Variants in CCDC7 observed in about 807,000 individuals in gnomAD.
The protein encoded by CCDC7 is coiled-coil domain containing 7.
Under a neutral mutation model 196.9 loss-of-function variants are expected in CCDC7, and 183 were observed. The observed-to-expected ratio is 0.93, with a 90% CI of 0.82 to 1.05. The LOEUF (loss-of-function observed/expected upper bound fraction) is 1.05. Ranked by LOEUF, CCDC7 falls within the 50% of genes least tolerant of loss-of-function variation. The probability of loss-of-function intolerance (pLI) is 0.00; values close to 1 mark genes in which losing one functional copy is unlikely to be tolerated. For missense variants in CCDC7, 1,540 were observed against 1,482.2 expected, an observed-to-expected ratio of 1.04 and a Z score of -0.64; for synonymous variants, 525 against 484.6, an observed-to-expected ratio of 1.08 and a Z score of -1.10.
chr10:32,765,974 C>T (rs2078230797), intron 28 of CCDC7, among the ~76,000 whole-genome samples: 1 of 152,026 alleles, frequency 6.6e-6, no homozygotes, highest in Admixed American at 6.6e-5. Context: ...TCAGTTCTCC[C>T]ACTCTCTATC....
intron 28 of CCDC7, among the ~76,000 whole-genome samples, chr10:32,774,855 T>C (rs1435850144): frequency 1.3e-5 from 2 of 152,180 alleles, no homozygotes; most frequent in African/African-American, 4.8e-5. Flanking sequence ...GTGTGGTAGA[T>C]TGATGGAGGA....
At position 32,495,591 on chromosome 10, in the gene CCDC7, G is replaced by GT. The variant is rs533568471; in HGVS notation, c.872+3598dup. Among the ~76,000 whole-genome samples, 29 of 152,262 alleles carry GT rather than the reference G, an allele frequency of 1.9e-4. No individual in the cohort carries two copies. In the East Asian group the frequency reaches 3.5e-3, roughly 18 times the overall value. ...TATAAGGTGTAAGGAAGGGATCCCA[G>GT]TTTTAGTTTTCTGCCTATGGCTAGC... is the stretch of plus-strand genomic sequence containing the variant. On this transcript the variant is annotated intron_variant, in intron 9 of 41. Coordinates refer to ENST00000639629, the Ensembl canonical transcript of CCDC7.
At position 32,762,620 on chromosome 10, in the gene CCDC7, A is replaced by T. The variant is rs189731741; in HGVS notation, c.2906-16357A>T. 3.1e-3 allele frequency among the ~76,000 whole-genome samples: 473 copies of T among 151,738 alleles called. 2 individuals are homozygous for T. Among genetic ancestry groups the T allele is most frequent in the Admixed American group, 9.9e-3 (150 of 15,192 alleles). ...TGATTTTAAAATATAAAAATATTTTAAAAATATTTTTAAAAAACAACTATG... is the reference window on the plus strand; with the variant it reads ...TGATTTTAAAATATAAAAATATTTTTAAAATATTTTTAAAAAACAACTATG... On this transcript the variant is annotated intron_variant, in intron 28 of 41. Coordinates refer to ENST00000639629, the Ensembl canonical transcript of CCDC7.
intron 34 of CCDC7, 88 bp from the exon 36 acceptor site, chr10:32,845,455 T>C: frequency 1.6e-6 from 2 of 1,261,740 alleles, no homozygotes; most frequent in Non-Finnish European, 2.3e-6. Context: ...TATTCATGAA[T>C]ATCCTCCTAT....
chr10:32,518,111 G>A lies in CCDC7; in HGVS notation c.903+136G>A, dbSNP rs12244881. ...TTATTTAAGAGATTTGTATGCATAT[G>A]TGAACTTTCTGGAAAGCCTTGTCTA... On this transcript the variant is annotated intron_variant, in intron 10 of 41. Transcript: ENST00000639629. 4.2e-3 allele frequency: 4,868 copies of A among 1,155,824 alleles called. 157 individuals are homozygous for A. In the African/African-American group the frequency reaches 0.07, roughly 17 times the overall value. The allele number at this position is 1,155,824 out of a possible 1,614,324, so 71.6% of individuals were successfully genotyped here.
intron 2 of CCDC7, among the ~76,000 whole-genome samples, chr10:32,455,506 G>A (rs1305457667): frequency 1.3e-5 from 2 of 151,920 alleles, no homozygotes; most frequent in African/African-American, 4.8e-5. Context: ...TAGTAGAGAC[G>A]GGATTTTGCC....
chr10:32,804,903 A>G (rs2085503156), intron 29 of CCDC7, 112 bp from the exon 31 acceptor site: 3 of 677,886 alleles, frequency 4.4e-6, no homozygotes, highest in Non-Finnish European at 7.7e-6. Context: ...ACTTTTATTC[A>G]TTAATAACAA....
At chr10:32,668,121 C>G (rs572843807) in intron 21 of CCDC7, among the ~76,000 whole-genome samples, 1 of 152,206 alleles carries the variant, frequency 6.6e-6, no homozygotes, top group Non-Finnish European at 1.5e-5. Flanking sequence ...GTTTTATTCT[C>G]TTTGAAGCAA....
At chr10:32,494,147 T>C (rs1241141252) in intron 9 of CCDC7, among the ~76,000 whole-genome samples, 4 of 152,218 alleles carry the variant, frequency 2.6e-5, no homozygotes, top group African/African-American at 9.6e-5. Flanking sequence ...CCCTGTTTTC[T>C]TCAAGTAGTT....
intron 18 of CCDC7, among the ~76,000 whole-genome samples, chr10:32,604,096 C>A (rs1024216022): frequency 6.6e-6 from 1 of 151,982 alleles, no homozygotes; most frequent in African/African-American, 2.4e-5. Flanking sequence ...TACATTTAAG[C>A]CTTTAATGTA....
At chr10:32,798,200 C>T (rs536019314) in intron 29 of CCDC7, among the ~76,000 whole-genome samples, 4 of 152,272 alleles carry the variant, frequency 2.6e-5, no homozygotes, top group African/African-American at 9.6e-5. Flanking sequence ...AACAGAGGTC[C>T]AATATAATCA....
intron 41 of CCDC7, among the ~76,000 whole-genome samples, chr10:32,864,970 A>C (rs1565752178): frequency 1.3e-5 from 2 of 152,100 alleles, no homozygotes; most frequent in South Asian, 2.1e-4. Flanking sequence ...ACAGAAATCA[A>C]GATGAATCAT....
chr10:32,630,741 C>G (rs2064748011), intron 18 of CCDC7, among the ~76,000 whole-genome samples: 1 of 152,134 alleles, frequency 6.6e-6, no homozygotes, highest in Admixed American at 6.6e-5. Flanking sequence ...TCATTCTGAT[C>G]TGTATAATAT....
chr10:32,554,082 G>C (rs1307043640), intron 13 of CCDC7, among the ~76,000 whole-genome samples: 1 of 152,182 alleles, frequency 6.6e-6, no homozygotes, highest in Non-Finnish European at 1.5e-5. Context: ...GAGTCATGCA[G>C]GTTGTCAGAG....
chr10:32,706,566 TG>T (rs1406547899), intron 24 of CCDC7, among the ~76,000 whole-genome samples: 1 of 151,050 alleles, frequency 6.6e-6, no homozygotes, highest in Non-Finnish European at 1.5e-5. Flanking sequence ...AATAGATAGA[TG>T]GCTAGCAAGA....
chr10:32,637,261 T>C (rs1265966189), intron 20 of CCDC7, among the ~76,000 whole-genome samples: 1 of 152,242 alleles, frequency 6.6e-6, no homozygotes, highest in Non-Finnish European at 1.5e-5. Context: ...ATTTTGGCTT[T>C]TGTTGCCATT....
At chr10:32,696,192 G>T (rs576785674) in intron 24 of CCDC7, among the ~76,000 whole-genome samples, 113 of 152,214 alleles carry the variant, frequency 7.4e-4, no homozygotes, top group Non-Finnish European at 1.5e-3. Flanking sequence ...AACCCATTCA[G>T]TAATGGGTTC....
chr10:32,713,631 C>T (rs2081163728), intron 25 of CCDC7, among the ~76,000 whole-genome samples: 2 of 152,230 alleles, frequency 1.3e-5, no homozygotes, highest in Admixed American at 1.3e-4. Flanking sequence ...CCATATGGAC[C>T]TTAGTGCCTG....
Position 32,511,265 on chromosome 10 carries a change from G to GC in CCDC7, c.873-6680_873-6679insC, listed in dbSNP as rs1349131904. The GC allele has an allele frequency of 2.6e-5, 14 of 542,270 alleles. 2 individuals carry two copies. Among genetic ancestry groups the GC allele is most frequent in the Non-Finnish European group, 3.8e-5 (12 of 315,900 alleles). The allele number at this position is 542,270 out of a possible 1,614,324, so 33.6% of individuals were successfully genotyped here. A position where few individuals can be genotyped will look rare whatever the true frequency, so the allele number is the denominator to read the frequency against. ...ACAGAATTATTCTGTGGGGGGCGGG[G>GC]GGGGCGGGGAAATGTACTTTTTGAA... On this transcript the variant is annotated intron_variant, in intron 9 of 41. Coordinates refer to ENST00000639629, the Ensembl canonical transcript of CCDC7.
Sources: allele counts gnomAD v4.1 joint callset (sites outside exome capture counted in the v4.1 genomes callset), GRCh38; gene constraint gnomAD v4.1.1; transcripts MANE v1.5; gene names NCBI Gene and HGNC (gene_info 2026-07-23, HGNC 2026-07-21).